Variants in FUT8 observed in about 807,000 individuals in gnomAD.
FUT8 encodes the protein fucosyltransferase 8, also known as alpha-(1,6)-fucosyltransferase.
Under a neutral mutation model 71.3 loss-of-function variants are expected in FUT8, and 29 were observed. That is an observed-to-expected ratio of 0.41 (90% CI 0.30 to 0.55). FUT8 has a LOEUF of 0.55. Among genes scored for constraint, FUT8 ranks in the 20% least tolerant of loss-of-function variants. The pLI is 0.34. For missense variants in FUT8, 544 were observed against 702.1 expected (o/e 0.77, Z 2.55); for synonymous variants, 254 against 239.3 (o/e 1.06, Z -0.57).
At chr14:65,514,751 A>G (rs1882594345) in intron 2 of FUT8, among the ~76,000 whole-genome samples, 1 of 151,622 alleles carries the variant, frequency 6.6e-6, no homozygotes, top group Non-Finnish European at 1.5e-5. Context: ...ACATGTGCAC[A>G]TAGTGCAGGT....
chr14:65,645,114 T>G (rs1594854220), intron 6 of FUT8, among the ~76,000 whole-genome samples: 1 of 152,212 alleles, frequency 6.6e-6, no homozygotes, highest in Admixed American at 6.5e-5. Flanking sequence ...AAATTTTCAT[T>G]GCACGTGTGC....
intron 7 of FUT8, among the ~76,000 whole-genome samples, chr14:65,710,145 A>G (rs1015913302): frequency 5.9e-5 from 9 of 152,210 alleles, no homozygotes; most frequent in African/African-American, 2.2e-4. Context: ...TTCATATAGA[A>G]TTTAATAACA....
At chr14:65,704,554 A>G (rs1335353198) in intron 7 of FUT8, among the ~76,000 whole-genome samples, 1 of 149,730 alleles carries the variant, frequency 6.7e-6, no homozygotes, top group Non-Finnish European at 1.5e-5. Flanking sequence ...TAAAAAAAAT[A>G]GAACAAACAA....
chr14:65,456,827 C>G (rs1679520390), intron 2 of FUT8, among the ~76,000 whole-genome samples: 1 of 146,030 alleles, frequency 6.8e-6, no homozygotes, highest in Admixed American at 6.8e-5. Context: ...GAGCCGAGAT[C>G]ACACCATTGC....
intron 2 of FUT8, among the ~76,000 whole-genome samples, chr14:65,476,225 G>A (rs1438153613): frequency 6.6e-6 from 1 of 152,162 alleles, no homozygotes; most frequent in East Asian, 1.9e-4. Context: ...GAGCAGGACT[G>A]GAGGATGGGG....
the FUT8 span, among the ~76,000 whole-genome samples, chr14:65,361,356 C>CAAAA: frequency 1.5e-5 from 1 of 64,966 alleles, no homozygotes. Flanking sequence ...AACTCTGTCT[C>CAAAA]AAAAAAAAAA....
In FUT8 at chr14:65,627,303, C is replaced by T. The variant is rs536582875; in HGVS notation, c.483-2189C>T. ...GAATCCATACGGGCCTGCAGCAGCT[C>T]GATTCTTGCTTCCTTGGAGGAAATA... On this transcript the variant is annotated intron_variant, in intron 5 of 10. Transcript: ENST00000673929. The surrounding 1 kb of genome is among the most constrained non-coding windows in gnomAD (Gnocchi z 4.0). Among the ~76,000 whole-genome samples, 1 of 151,948 alleles carries T rather than the reference C, an allele frequency of 6.6e-6. No individual in the cohort carries two copies. The highest frequency in any genetic ancestry group is 2.1e-4 in the South Asian group (1 of 4,804).
At chr14:65,471,169 C>G in intron 2 of FUT8, 1 of 269,256 alleles carries the variant, frequency 3.7e-6, no homozygotes, top group Non-Finnish European at 7.5e-6. Flanking sequence ...AGAACTTTCC[C>G]CCTCATCCCT....
At chr14:65,508,493 T>TGTTTGAG (rs1186557413) in intron 2 of FUT8, among the ~76,000 whole-genome samples, 1 of 99,694 alleles carries the variant, frequency 1.0e-5, no homozygotes, top group Non-Finnish European at 2.0e-5. Context: ...TTGTTTGAGT[T>TGTTTGAG]TTTTTTTTTT....
chr14:65,579,701 T>C (rs1042270141), intron 3 of FUT8, among the ~76,000 whole-genome samples: 1 of 152,130 alleles, frequency 6.6e-6, no homozygotes, highest in African/African-American at 2.4e-5. Flanking sequence ...ATATAGTATA[T>C]CTAAAAATAG....
intron 7 of FUT8, among the ~76,000 whole-genome samples, chr14:65,692,280 G>T (rs1203056633): frequency 4.1e-3 from 609 of 149,306 alleles, no homozygotes; most frequent in African/African-American, 0.014. Context: ...GGGCAGAGGG[G>T]CTCCTCACTT....
chr14:65,529,761 T>C (rs1159098260), intron 2 of FUT8, among the ~76,000 whole-genome samples: 3 of 152,206 alleles, frequency 2.0e-5, no homozygotes, highest in African/African-American at 7.2e-5. Context: ...AACTTCTTTT[T>C]TCATCTTTTG....
chr14:65,451,445 G>A (rs1333313338), intron 1 of FUT8, among the ~76,000 whole-genome samples: 1 of 152,266 alleles, frequency 6.6e-6, no homozygotes, highest in Non-Finnish European at 1.5e-5. Context: ...GTGTGTTACA[G>A]TGCTCTTTTA....
chr14:65,675,834 A>AT (rs1892687589), intron 7 of FUT8, among the ~76,000 whole-genome samples: 1 of 121,946 alleles, frequency 8.2e-6, no homozygotes, highest in Admixed American at 8.1e-5. Context: ...TACTAAAAAT[A>AT]CAAAAAAAAA....
chr14:65,525,004 A>G lies in FUT8; in HGVS notation c.-227-36333A>G, dbSNP rs894953702. ...TATTTTATTGAGGAGTTTTGCATCT[A>G]TGTTCATCAGGGATATTCTCTTTTT... On this transcript the variant is annotated intron_variant, in intron 2 of 10. Coordinates refer to ENST00000673929, the MANE Select transcript of FUT8 (RefSeq NM_001371533.1). Among the ~76,000 whole-genome samples the G allele has an allele frequency of 4.6e-5, 7 of 152,128 alleles. No individual in the cohort carries two copies. The East Asian group carries it at 5.8e-4, about 13-fold the overall frequency.
chr14:65,712,871 G>T (rs985786996), intron 7 of FUT8, among the ~76,000 whole-genome samples: 2 of 152,108 alleles, frequency 1.3e-5, no homozygotes, highest in Admixed American at 6.5e-5. Flanking sequence ...GGTAAATGGG[G>T]TATCCATCAC....
At chr14:65,602,027 G>A (rs777306815) in intron 3 of FUT8, among the ~76,000 whole-genome samples, 1 of 151,468 alleles carries the variant, frequency 6.6e-6, no homozygotes, top group African/African-American at 2.4e-5. Flanking sequence ...GTGGTATTCC[G>A]TTATATAAGT....
chr14:65,622,910 G>GTTTTTTT (rs33918554), intron 5 of FUT8, among the ~76,000 whole-genome samples: 2 of 128,854 alleles, frequency 1.6e-5, no homozygotes, highest in African/African-American at 3.0e-5. Context: ...GAGCTTCTCT[G>GTTTTTTT]TTTTTTTTTT....
chr14:65,549,930 G>A lies in FUT8; in HGVS notation c.-227-11407G>A, dbSNP rs563875662. Among the ~76,000 whole-genome samples, 147 of 152,262 alleles carry A rather than the reference G, an allele frequency of 9.7e-4. No homozygotes were observed. In the Middle Eastern group the frequency reaches 0.024, roughly 25 times the overall value. On this transcript the variant is annotated intron_variant, in intron 2 of 10. Transcript: ENST00000673929. ...CAAAAAATCAGTTGGGCATGGTGGC[G>A]CGTGCCTGTAGTCCCAGCTACTTGG... is the stretch of plus-strand genomic sequence containing the variant.
Sources: gnomAD v4.1 joint callset for allele counts (sites outside exome capture counted in the v4.1 genomes callset) on GRCh38, gnomAD v4.1.1 for gene constraint, Gnocchi (gnomAD v3.1) non-coding constraint, MANE v1.5 for transcripts, NCBI Gene and HGNC (gene_info 2026-07-23, HGNC 2026-07-21) for gene names.